CBR4: variants seen among roughly 807,000 people sequenced by gnomAD.
The protein encoded by CBR4 is 3-oxoacyl-[acyl-carrier-protein] reductase.
Under a neutral mutation model 21.0 loss-of-function variants are expected in CBR4, and 22 were observed. That is an observed-to-expected ratio of 1.05 (90% CI 0.75 to 1.50). The LOEUF (loss-of-function observed/expected upper bound fraction) is 1.50. Ranked by LOEUF, CBR4 falls within the 40% of genes most tolerant of loss-of-function variation. CBR4 has a pLI of 0.00. For synonymous variants in CBR4, 100 were observed against 104.4 expected (o/e 0.96, Z 0.26); for missense variants, 302 against 286.3 (o/e 1.05, Z -0.40).
At chr4:168,925,233 T>C (rs1560938438) in intron 2 of CBR4, 7 of 1,608,238 alleles carry the variant, frequency 4.4e-6, no homozygotes, top group Non-Finnish European at 6.0e-6. Context: ...CTATTTGTAG[T>C]TTCTCGACAT....
intron 2 of CBR4, among the ~76,000 whole-genome samples, chr4:168,978,052 C>G (rs1764425279): frequency 6.6e-6 from 1 of 152,198 alleles, no homozygotes. Context: ...TGAAATCTTT[C>G]AATACTTCTT....
chr4:169,003,950 TG>T (rs1253303667), intron 3 of CBR4, among the ~76,000 whole-genome samples: 9 of 150,140 alleles, frequency 6.0e-5, no homozygotes, highest in Non-Finnish European at 1.3e-4. Context: ...TGTTGTGGGG[TG>T]GGGGAAGCGG....
At chr4:168,958,156 C>T (rs1410096057) in intron 2 of CBR4, among the ~76,000 whole-genome samples, 3 of 151,884 alleles carry the variant, frequency 2.0e-5, no homozygotes, top group Non-Finnish European at 4.4e-5. Context: ...CCCAGCTACT[C>T]GGGAGGCTGA....
chr4:168,989,973 A>C lies in CBR4; in HGVS notation c.*177T>G, dbSNP rs763461614. 9.5e-6 allele frequency: 12 copies of C among 1,257,110 alleles called. No homozygotes were observed. Among genetic ancestry groups the C allele is most frequent in the Middle Eastern group, 2.2e-4 (1 of 4,628 alleles). The allele number at this position is 1,257,110 out of a possible 1,614,324, so 77.9% of individuals were successfully genotyped here. A position where few individuals can be genotyped will look rare whatever the true frequency, so the allele number is the denominator to read the frequency against. On this transcript the variant is annotated 3_prime_UTR_variant, in exon 5 of 5. Coordinates refer to ENST00000306193, the MANE Select transcript of CBR4 (RefSeq NM_032783.5). ...ATGTAACTTAGACCAAAAAAAAAAA[A>C]ACCACAATTTGTCACACATTGTTCT...
chr4:168,959,727 G>A (rs150572782), intron 2 of CBR4, among the ~76,000 whole-genome samples: 47 of 151,374 alleles, frequency 3.1e-4, no homozygotes, highest in African/African-American at 1.0e-3. Flanking sequence ...CACCATGCCC[G>A]GCTAATTTTT....
chr4:168,961,940 CAGGAGAGGAGAGGAGAGGAG>C (rs11267211), intron 2 of CBR4, among the ~76,000 whole-genome samples: 3,618 of 133,622 alleles, frequency 0.027, 162 homozygotes, highest in African/African-American at 0.096. Context: ...GAGGAGAGCA[CAGGAGAGGAGAGGAGAGGAG>C]AGGAGAGGAG....
At chr4:168,939,516 G>C (rs1763203900) in intron 2 of CBR4, among the ~76,000 whole-genome samples, 1 of 152,124 alleles carries the variant, frequency 6.6e-6, no homozygotes, top group African/African-American at 2.4e-5. Flanking sequence ...TTTTCTGTTT[G>C]CAGATGACAT....
intron 2 of CBR4, among the ~76,000 whole-genome samples, chr4:168,915,248 C>T (rs185035827): frequency 1.4e-4 from 21 of 152,248 alleles, no homozygotes; most frequent in Admixed American, 2.0e-4. Context: ...AATTTGTATT[C>T]AACATCTTTT....
At position 169,009,887 on chromosome 4, in the gene CBR4, G is replaced by C. The variant is rs920871271; in HGVS notation, c.142+61C>G. 7 of 1,488,894 alleles carry C rather than the reference G, an allele frequency of 4.7e-6. No homozygotes were observed. In the African/African-American group the frequency reaches 8.4e-5, roughly 18 times the overall value. 92.2% of individuals were successfully genotyped at this position (1,488,894 alleles called of 1,614,324 possible). ...CCAGACCCGCTCTTTTTACAAAGGA[G>C]ATTTTCTTTAGGCGCCTGGACCGCG... is the stretch of plus-strand genomic sequence containing the variant. On this transcript the variant is annotated intron_variant, in intron 1 of 4. Coordinates refer to ENST00000306193, the MANE Select transcript of CBR4 (RefSeq NM_032783.5).
chr4:168,919,457 G>A (rs1284896802), intron 2 of CBR4, among the ~76,000 whole-genome samples: 25 of 151,676 alleles, frequency 1.6e-4, no homozygotes, highest in Admixed American at 1.6e-3. Flanking sequence ...CCCGGGAGGC[G>A]GAGGTTGCAG....
At chr4:168,972,844 G>T (rs1054513409) in intron 2 of CBR4, among the ~76,000 whole-genome samples, 2 of 152,286 alleles carry the variant, frequency 1.3e-5, no homozygotes, top group African/African-American at 4.8e-5. Flanking sequence ...GGGCATCCTT[G>T]TCTTGTTTCA....
At chr4:169,005,887 T>G in intron 3 of CBR4, 2 of 1,288,732 alleles carry the variant, frequency 1.6e-6, no homozygotes, top group Non-Finnish European at 2.0e-6. Flanking sequence ...TCACTTACTT[T>G]TATGGAGCAG....
chr4:168,964,176 T>C (rs141563859), intron 2 of CBR4, among the ~76,000 whole-genome samples: 107 of 152,282 alleles, frequency 7.0e-4, no homozygotes, highest in Middle Eastern at 3.4e-3. Context: ...TCTGACAATA[T>C]CATTCAACTA....
intron 2 of CBR4, among the ~76,000 whole-genome samples, chr4:168,981,931 A>G (rs1764558494): frequency 6.6e-6 from 1 of 152,232 alleles, no homozygotes. Flanking sequence ...TATGAAAATG[A>G]AAGACCATTA....
intron 2 of CBR4, among the ~76,000 whole-genome samples, chr4:168,899,391 A>G (rs971806893): frequency 3.3e-5 from 5 of 152,304 alleles, no homozygotes; most frequent in South Asian, 4.1e-4. Flanking sequence ...GCTTGAGTGA[A>G]AAGAATAAAA....
In CBR4 at chr4:168,903,865, G is replaced by C. The variant is rs587780199; in HGVS notation, n.170-9100C>G. On this transcript the variant is annotated intron_variant and non_coding_transcript_variant, in intron 2 of 3. Transcript: ENST00000509108. ...CCTCCATACCACAGCCTCCACCCTA[G>C]ATGATGATGGGAATTATACAATTAT... 6.2e-7 allele frequency: 1 copy of C among 1,613,820 alleles called. No individual in the cohort carries two copies. The highest frequency in any genetic ancestry group is 1.3e-5 in the African/African-American group (1 of 74,912).
chr4:168,950,726 T>C (rs1763517095), intron 2 of CBR4, among the ~76,000 whole-genome samples: 1 of 152,190 alleles, frequency 6.6e-6, no homozygotes, highest in African/African-American at 2.4e-5. Flanking sequence ...TTCTATCTCA[T>C]TTATTAGGTC....
chr4:168,924,896 G>A (rs1464819570), intron 2 of CBR4: 1 of 1,606,288 alleles, frequency 6.2e-7, no homozygotes, highest in Non-Finnish European at 8.5e-7. Flanking sequence ...CATGTCCAAA[G>A]CCACTTTTAA....
chr4:168,968,366 C>T (rs1027264541), intron 2 of CBR4, among the ~76,000 whole-genome samples: 2 of 152,162 alleles, frequency 1.3e-5, no homozygotes, highest in Non-Finnish European at 1.5e-5. Context: ...TTTCACTGAA[C>T]GTCCAGGCAA....
Sources: allele counts gnomAD v4.1 joint callset (sites outside exome capture counted in the v4.1 genomes callset), GRCh38; gene constraint gnomAD v4.1.1; transcripts MANE v1.5; gene names NCBI Gene and HGNC (gene_info 2026-07-23, HGNC 2026-07-21).